The following FN3KRP variants were observed in gnomAD, a reference collection of about 807,000 sequenced individuals.
FN3KRP encodes the protein fructosamine 3 kinase related protein.
A neutral mutation model predicts 29.8 loss-of-function variants in FN3KRP; 33 were observed. The observed-to-expected ratio is 1.11, with a 90% CI of 0.84 to 1.48. The LOEUF is 1.48. Ranked by LOEUF, FN3KRP falls within the 40% of genes most tolerant of loss-of-function variation. FN3KRP has a pLI of 0.00. For missense variants in FN3KRP, 430 were observed against 402.6 expected, an observed-to-expected ratio of 1.07 and a Z score of -0.58; for synonymous variants, 157 against 155.2, an observed-to-expected ratio of 1.01 and a Z score of -0.09.
At chr17:82,717,030 C>T (rs1310389021) in intron 1 of FN3KRP, 134 bp downstream of exon 1, 2 of 1,125,694 alleles carry the variant, frequency 1.8e-6, no homozygotes, top group South Asian at 1.8e-5. Flanking sequence ...CGCCGCCGCC[C>T]CTTGCGGGGA....
At chr17:82,716,917 G>C (rs780370237) in intron 1 of FN3KRP, 21 bp downstream of exon 1, 4 of 1,562,902 alleles carry the variant, frequency 2.6e-6, no homozygotes, top group Non-Finnish European at 3.5e-6. Flanking sequence ...GGGTCGGGCG[G>C]GCCGGGGGAC....
intron 3 of FN3KRP, among the ~76,000 whole-genome samples, chr17:82,722,197 C>T (rs935833377): frequency 6.6e-5 from 10 of 151,752 alleles, no homozygotes; most frequent in African/African-American, 1.2e-4. Context: ...TGCAATGGAG[C>T]GATCTCGGCT....
chr17:82,723,547 G>A (rs1011644971), intron 4 of FN3KRP, among the ~76,000 whole-genome samples: 13 of 151,712 alleles, frequency 8.6e-5, no homozygotes, highest in Admixed American at 3.3e-4. Context: ...GTGCACGCAC[G>A]TCTGTGCGCA....
At position 82,727,646 on chromosome 17, in the gene FN3KRP, CT is replaced by C. The variant is rs2046848344; in HGVS notation, c.*477del. Reference sequence around the variant, plus strand: ...GACTTGGGTGTAGACATGAAACCATCTTACTAAAAGCGTCTTAAAATGACCA... The same window carrying C: ...GACTTGGGTGTAGACATGAAACCATCTACTAAAAGCGTCTTAAAATGACCA... On this transcript the variant is annotated 3_prime_UTR_variant, in exon 6 of 6. Coordinates refer to ENST00000269373, the MANE Select transcript of FN3KRP (RefSeq NM_024619.4). 6.4e-6 allele frequency: 1 copy of C among 156,034 alleles called. No homozygotes were observed. The allele number at this position is 156,034 out of a possible 1,614,324, so 9.7% of individuals were successfully genotyped here.
At chr17:82,723,637 A>G (rs1476924089) in intron 4 of FN3KRP, among the ~76,000 whole-genome samples, 4 of 151,974 alleles carry the variant, frequency 2.6e-5, no homozygotes, top group African/African-American at 4.8e-5. Context: ...ATGTGTGCAC[A>G]CGTGTGTGCA....
At chr17:82,716,970 C>G (rs2046760196) in intron 1 of FN3KRP, 74 bp downstream of exon 1, 3 of 1,507,914 alleles carry the variant, frequency 2.0e-6, no homozygotes, top group Non-Finnish European at 1.8e-6. Flanking sequence ...GCGCGGGGCG[C>G]GGCCTGGGCT....
chr17:82,724,726 G>A (rs1368944132), intron 4 of FN3KRP, among the ~76,000 whole-genome samples: 1 of 152,200 alleles, frequency 6.6e-6, no homozygotes, highest in Non-Finnish European at 1.5e-5. Flanking sequence ...GAGCACGAGG[G>A]AGCAGGCCCC....
Position 82,727,521 on chromosome 17 carries a change from C to G in FN3KRP, c.*350C>G. ...TGCGCAGGGAGGTGGCCAGCGCCCC[C>G]GGGCACTGCTGCTCATAGGTACCTT... On this transcript the variant is annotated 3_prime_UTR_variant, in exon 6 of 6. Transcript: ENST00000269373. 1 of 213,280 alleles carries G rather than the reference C, an allele frequency of 4.7e-6. No homozygotes were observed. Among genetic ancestry groups the G allele is most frequent in the Admixed American group, 5.1e-5 (1 of 19,500 alleles). 13.2% of individuals were successfully genotyped at this position (213,280 alleles called of 1,614,324 possible). A position where few individuals can be genotyped will look rare whatever the true frequency, so the allele number is the denominator to read the frequency against.
At chr17:82,725,012 C>T (rs759850870) in intron 4 of FN3KRP, among the ~76,000 whole-genome samples, 3 of 151,838 alleles carry the variant, frequency 2.0e-5, no homozygotes, top group African/African-American at 2.4e-5. Context: ...GGGGTTCCAC[C>T]GTGTTAGCCA....
rs1264672186 is a variant in FN3KRP at position 82,716,912 on chromosome 17, G to A, written c.141+16G>A. 1.3e-6 allele frequency: 2 copies of A among 1,563,840 alleles called. No individual in the cohort carries two copies. Among genetic ancestry groups the A allele is most frequent in the African/African-American group, 1.4e-5 (1 of 70,434 alleles). On this transcript the variant is annotated intron_variant, in intron 1 of 5. Transcript: ENST00000269373. ...CAAGGCGGAGGTCAGGCAGCGGGTCGGGCGGGCCGGGGGACCGGTTTCTTT... is the reference window on the plus strand; with the variant it reads ...CAAGGCGGAGGTCAGGCAGCGGGTCAGGCGGGCCGGGGGACCGGTTTCTTT...
At chr17:82,726,685 C>T (rs1010801497) in intron 5 of FN3KRP, 83 bp downstream of exon 5, 2 of 1,539,572 alleles carry the variant, frequency 1.3e-6, no homozygotes, top group East Asian at 2.3e-5. Flanking sequence ...GCAGGTGAGG[C>T]CACCTCTGAG....
chr17:82,722,828 G>T lies in FN3KRP; in HGVS notation c.410G>T (p.Arg137Leu), dbSNP rs201092965. The change falls in exon 4 of 6, where the codon CGG (arginine) becomes CTG (leucine). Residue 137 changes from arginine to leucine, a missense_variant. By Grantham distance (102) the Arg-to-Leu change is moderately radical. Coordinates refer to ENST00000269373, the MANE Select transcript of FN3KRP (RefSeq NM_024619.4). ...TVGRGGGQEE[R>L]PFVARFGFDV... Reference sequence around the variant, plus strand: ...GGGAGAGGAGGTGGGCAGGAGGAACGGCCCTTTGTGGCCCGGTTTGGATTT... The same window carrying T: ...GGGAGAGGAGGTGGGCAGGAGGAACTGCCCTTTGTGGCCCGGTTTGGATTT... The T allele has an allele frequency of 1.1e-5, 18 of 1,613,924 alleles. No homozygotes were observed. In the African/African-American group the frequency reaches 2.3e-4, roughly 20 times the overall value.
In FN3KRP at chr17:82,721,513, A is replaced by T. The variant is rs144267076; in HGVS notation, c.385+1150A>T. 7.2e-4 allele frequency among the ~76,000 whole-genome samples: 109 copies of T among 150,792 alleles called. 1 individual carries two copies. In the East Asian group the frequency reaches 0.018, roughly 25 times the overall value. ...CTCTTTATTTATTTATTTTTATTTT[A>T]TTTTTTTGAGAAGGAGTCTTGCTTT... On this transcript the variant is annotated intron_variant, in intron 3 of 5. Coordinates refer to ENST00000269373, the MANE Select transcript of FN3KRP (RefSeq NM_024619.4).
intron 3 of FN3KRP, chr17:82,720,781 T>C (rs2046793176): frequency 6.4e-6 from 1 of 155,216 alleles, no homozygotes; most frequent in East Asian, 1.9e-4. Context: ...GCTGTCAGGA[T>C]CGAGGGAATT....
chr17:82,726,278 G>A (rs1311245984), intron 4 of FN3KRP, among the ~76,000 whole-genome samples: 2 of 152,150 alleles, frequency 1.3e-5, no homozygotes, highest in Non-Finnish European at 2.9e-5. Context: ...CACTGCTCTT[G>A]GGATAGGATC....
intron 1 of FN3KRP, among the ~76,000 whole-genome samples, chr17:82,717,417 C>T (rs911491848): frequency 6.6e-6 from 1 of 152,182 alleles, no homozygotes; most frequent in African/African-American, 2.4e-5. Context: ...ATGCTCTGTC[C>T]TTCTGTTAGA....
At chr17:82,717,609 C>T (rs566857364) in intron 1 of FN3KRP, among the ~76,000 whole-genome samples, 3 of 152,314 alleles carry the variant, frequency 2.0e-5, no homozygotes, top group Non-Finnish European at 4.4e-5. Flanking sequence ...ATCCCAGCTA[C>T]TCGGGAGGCT....
chr17:82,726,428 C>G (rs1039813199), intron 4 of FN3KRP, 52 bp from the exon 5 acceptor site: 15 of 1,590,332 alleles, frequency 9.4e-6, no homozygotes, highest in Non-Finnish European at 1.3e-5. Context: ...GCTGAGCTCT[C>G]CCTTGGTTCT....
At chr17:82,719,164 TATC>T (rs1271766929) in intron 2 of FN3KRP, 107 bp downstream of exon 2, 1 of 1,080,906 alleles carries the variant, frequency 9.3e-7, no homozygotes. Context: ...CTGGCTTTAT[TATC>T]TGAGCAGGTG....
Sources: gnomAD v4.1 joint callset for allele counts (sites outside exome capture counted in the v4.1 genomes callset) on GRCh38, gnomAD v4.1.1 for gene constraint, MANE v1.5 for transcripts, NCBI Gene and HGNC (gene_info 2026-07-23, HGNC 2026-07-21) for gene names.